The following CLTCL1 variants were observed in gnomAD, a reference collection of about 807,000 sequenced individuals.
The protein encoded by CLTCL1 is clathrin heavy chain 2.
In CLTCL1, 159 loss-of-function variants were observed where a neutral mutation model predicts 190.0. The ratio of observed to expected loss-of-function variants is 0.84; its 90% confidence interval spans 0.74 to 0.95. The LOEUF is 0.95. CLTCL1 is among the 40% of genes least tolerant of loss of function. The pLI, the probability that CLTCL1 is intolerant of heterozygous loss-of-function variation, is 0.00. For synonymous variants in CLTCL1, 752 were observed against 769.6 expected (o/e 0.98, Z 0.38); for missense variants, 1,878 against 2,033.4 (o/e 0.92, Z 1.47).
intron 18 of CLTCL1, among the ~76,000 whole-genome samples, chr22:19,218,112 C>T (rs923013899): frequency 7.9e-5 from 12 of 152,130 alleles, no homozygotes; most frequent in African/African-American, 2.9e-4. Flanking sequence ...CAGGAGGTGG[C>T]TACAGATATC....
intron 22 of CLTCL1, among the ~76,000 whole-genome samples, chr22:19,204,029 G>A (rs2084977162): frequency 6.6e-6 from 1 of 152,138 alleles, no homozygotes; most frequent in African/African-American, 2.4e-5. Context: ...ATCTGCTGTC[G>A]CTGCCCCTTG....
In CLTCL1 at chr22:19,239,387, A is replaced by G; in HGVS notation, c.683T>C (p.Leu228Ser). The G allele has an allele frequency of 6.2e-7, 1 of 1,612,886 alleles. No individual in the cohort carries two copies. Among genetic ancestry groups the G allele is most frequent in the Middle Eastern group, 1.7e-4 (1 of 6,060 alleles). Residue 228 changes from leucine to serine, a missense_variant and splice_region_variant, in exon 5 of 33, where the codon TTG becomes TCG. By Grantham distance (145) the Leu-to-Ser change is moderately radical (BLOSUM62 -2). Transcript: ENST00000427926. The part of the protein sequence containing the change: ...FAVRNPTGGK[L>S]HIIEVGQPAA... ...AGGCTGTCCAACTTCAATGATGTGC[A>G]ACTAGAAGAGAGATTTTAGGTCAAT...
At chr22:19,201,275 C>G (rs373198245) in intron 23 of CLTCL1, 54 bp downstream of exon 23, 1 of 1,544,116 alleles carries the variant, frequency 6.5e-7, no homozygotes. Flanking sequence ...GCAAAGGACA[C>G]GGAGAGCGTG....
intron 19 of CLTCL1, among the ~76,000 whole-genome samples, chr22:19,215,083 G>T (rs1015423087): frequency 6.6e-6 from 1 of 152,226 alleles, no homozygotes; most frequent in African/African-American, 2.4e-5. Flanking sequence ...ACAGCCACCT[G>T]TAAGTGCCTG....
intron 1 of CLTCL1, among the ~76,000 whole-genome samples, chr22:19,276,815 G>A (rs955946049): frequency 1.5e-4 from 23 of 151,974 alleles, no homozygotes; most frequent in Admixed American, 8.5e-4. Flanking sequence ...GGCTTCAGGC[G>A]CCCGCCACCA....
At chr22:19,229,188 A>C (rs2085843905) in intron 11 of CLTCL1, among the ~76,000 whole-genome samples, 2 of 152,226 alleles carry the variant, frequency 1.3e-5, no homozygotes, top group African/African-American at 4.8e-5. Flanking sequence ...GAAGCAACCC[A>C]AATGTTCATC....
chr22:19,216,310 T>C (rs1428297290), intron 18 of CLTCL1, 54 bp from the exon 19 acceptor site: 2 of 1,568,326 alleles, frequency 1.3e-6, no homozygotes, highest in Non-Finnish European at 8.7e-7. Flanking sequence ...CAAGACTGTA[T>C]CTTTGAAGCT....
chr22:19,205,414 G>A (rs1026559348), intron 22 of CLTCL1, among the ~76,000 whole-genome samples: 2 of 152,220 alleles, frequency 1.3e-5, no homozygotes, highest in Non-Finnish European at 2.9e-5. Context: ...GGAGGCTGAG[G>A]TGGGAGGATG....
rs185536907 is a variant in CLTCL1 at position 19,224,012 on chromosome 22, T to C, written c.2171A>G (p.Asp724Gly). 57 of 1,614,002 alleles carry C rather than the reference T, an allele frequency of 3.5e-5. No individual in the cohort carries two copies. Among genetic ancestry groups the C allele is most frequent in the Admixed American group, 1.8e-4 (11 of 60,020 alleles). The change falls in exon 14 of 33, where the codon GAC (aspartate) becomes GGC (glycine). Residue 724 changes from aspartate (D) to glycine (G), a missense_variant. Transcript: ENST00000427926. ...AATGTATTTCAGATGCACATCTGGGTCTTGGCTGAAGTTCACGATTGAGCC... is the reference window on the plus strand; with the variant it reads ...AATGTATTTCAGATGCACATCTGGGCCTTGGCTGAAGTTCACGATTGAGCC... ...FLGSIVNFSQ[D>G]PDVHLKYIQA... is the part of the protein sequence containing the mutation.
chr22:19,233,626 A>G lies in CLTCL1; in HGVS notation c.1168-4T>C, dbSNP rs781949513. On this transcript the variant is annotated splice_polypyrimidine_tract_variant and splice_region_variant and intron_variant, in intron 7 of 32. Transcript: ENST00000427926. ...TCTCTCTGGTACGCAGGATTCCCTA[A>G]TAATAAATGGAAAAATAGGTCATTG... The G allele has an allele frequency of 6.2e-7, 1 of 1,612,322 alleles. No individual in the cohort carries two copies. Among genetic ancestry groups the G allele is most frequent in the Admixed American group, 1.7e-5 (1 of 59,950 alleles).
At chr22:19,253,844 G>A in intron 3 of CLTCL1, 115 bp downstream of exon 3, 1 of 1,252,252 alleles carries the variant, frequency 8.0e-7, no homozygotes, top group Non-Finnish European at 1.1e-6. Context: ...GGGATTACAG[G>A]CATGAGCCAC....
chr22:19,234,643 G>C lies in CLTCL1; in HGVS notation c.1033C>G (p.Pro345Ala), dbSNP rs781978990. The C allele has an allele frequency of 1.2e-6, 2 of 1,613,900 alleles. No homozygotes were observed. Among genetic ancestry groups the C allele is most frequent in the African/African-American group, 1.3e-5 (1 of 74,924 alleles). The change falls in exon 7 of 33, where the codon CCA (proline) becomes GCA (alanine). Residue 345 changes from proline to alanine, a missense_variant. By Grantham distance (27) the Pro-to-Ala change is conservative. Coordinates refer to ENST00000427926, the MANE Select transcript of CLTCL1 (RefSeq NM_007098.4). ...ACGGCCAAACGCAGACCAAGGTCTG[G>C]ATTCTGAAGCACGTTGGTTGCATAA... is the stretch of plus-strand genomic sequence containing the variant. Reference protein sequence around the residue: ...VNYATNVLQNPDLGLRLAVRS... With the variant: ...VNYATNVLQNADLGLRLAVRS...
Position 19,180,232 on chromosome 22 carries a change from T to C in CLTCL1, c.4910A>G (p.Asp1637Gly). ...TEPAPLVFDFDGHE is the reference protein window; with the variant it reads ...TEPAPLVFDFGGHE The stretch of plus-strand genomic sequence containing the variant: ...ATCAGCTGGGTCTCATTCATGCCCA[T>C]CAAAATCTAAAAAAACCAGAATGAC... Residue 1637 changes from aspartate to glycine, a missense_variant, in exon 32 of 33, where the codon GAT (aspartate) becomes GGT (glycine). Coordinates refer to ENST00000427926, the MANE Select transcript of CLTCL1 (RefSeq NM_007098.4). The C allele has an allele frequency of 6.2e-7, 1 of 1,613,600 alleles. No homozygotes were observed. Among genetic ancestry groups the C allele is most frequent in the Non-Finnish European group, 8.5e-7 (1 of 1,179,818 alleles).
intron 2 of CLTCL1, among the ~76,000 whole-genome samples, chr22:19,256,363 T>C (rs1480859400): frequency 0.053 from 7,484 of 140,796 alleles, 203 homozygotes; most frequent in Middle Eastern, 0.15. Flanking sequence ...TCTTTTTTTT[T>C]TTTTTTTTTT....
intron 3 of CLTCL1, among the ~76,000 whole-genome samples, chr22:19,246,229 T>G (rs559046815): frequency 6.6e-6 from 1 of 151,242 alleles, no homozygotes; most frequent in East Asian, 2.0e-4. Context: ...CCGGCTAGTT[T>G]TTTTGTATTT....
intron 19 of CLTCL1, among the ~76,000 whole-genome samples, chr22:19,210,963 C>T (rs1294720978): frequency 6.6e-6 from 1 of 152,016 alleles, no homozygotes; most frequent in Non-Finnish European, 1.5e-5. Flanking sequence ...AAACTCCTGG[C>T]CTCAAGTGAT....
intron 2 of CLTCL1, among the ~76,000 whole-genome samples, chr22:19,256,714 G>T (rs935942856): frequency 6.6e-6 from 1 of 151,390 alleles, no homozygotes; most frequent in Non-Finnish European, 1.5e-5. Context: ...TGCCCAGGCT[G>T]GTCTCAAACT....
At chr22:19,218,193 C>G (rs1483959184) in intron 18 of CLTCL1, among the ~76,000 whole-genome samples, 1 of 152,192 alleles carries the variant, frequency 6.6e-6, no homozygotes, top group African/African-American at 2.4e-5. Context: ...CCCCCGCTGG[C>G]TCCGGTATGG....
intron 2 of CLTCL1, among the ~76,000 whole-genome samples, chr22:19,256,353 T>C (rs1555972464): frequency 9.4e-6 from 1 of 105,846 alleles, no homozygotes; most frequent in Non-Finnish European, 2.1e-5. Flanking sequence ...TTTTCTTTTA[T>C]CTTTTTTTTT....
Sources: gnomAD v4.1 joint callset for allele counts (sites outside exome capture counted in the v4.1 genomes callset) on GRCh38, gnomAD v4.1.1 for gene constraint, MANE v1.5 for transcripts, NCBI Gene and HGNC (gene_info 2026-07-23, HGNC 2026-07-21) for gene names.